ARMC8: variants seen among roughly 807,000 people sequenced by gnomAD.
ARMC8 encodes the protein armadillo repeat containing 8.
In ARMC8, 20 loss-of-function variants were observed where a neutral mutation model predicts 99.3. That is an observed-to-expected ratio of 0.20 (90% CI 0.14 to 0.29). The LOEUF (loss-of-function observed/expected upper bound fraction) is 0.29. ARMC8 is among the 10% of genes least tolerant of loss of function. ARMC8 has a pLI of 1.00. For synonymous variants in ARMC8, 263 were observed against 278.3 expected, an observed-to-expected ratio of 0.95 and a Z score of 0.55; for missense variants, 569 against 809.5, an observed-to-expected ratio of 0.70 and a Z score of 3.60.
At chr3:138,211,709 GT>G (rs2044704837) in intron 2 of ARMC8, among the ~76,000 whole-genome samples, 1 of 152,132 alleles carries the variant, frequency 6.6e-6, no homozygotes, top group African/African-American at 2.4e-5. Context: ...TTCTGTTATG[GT>G]CCCTTTCTAG....
chr3:138,256,173 C>G (rs1389203145), intron 12 of ARMC8, among the ~76,000 whole-genome samples: 12 of 152,124 alleles, frequency 7.9e-5, no homozygotes, highest in Admixed American at 7.9e-4. Flanking sequence ...AATGTTAGTT[C>G]CATTTGGTTA....
At chr3:138,232,271 T>C (rs1184096325) in intron 6 of ARMC8, among the ~76,000 whole-genome samples, 1 of 152,064 alleles carries the variant, frequency 6.6e-6, no homozygotes, top group East Asian at 1.9e-4. Context: ...CCACTGCGTC[T>C]AGCCCCTTAC....
chr3:138,274,232 C>CGTGTGT (rs111762534), intron 17 of ARMC8, among the ~76,000 whole-genome samples: 5 of 145,392 alleles, frequency 3.4e-5, no homozygotes, highest in African/African-American at 1.4e-4. Context: ...TGTGTATATA[C>CGTGTGT]ATGTGTGTGT....
chr3:138,208,612 G>A (rs1368606334), intron 1 of ARMC8, among the ~76,000 whole-genome samples: 2 of 152,230 alleles, frequency 1.3e-5, no homozygotes, highest in Non-Finnish European at 2.9e-5. Flanking sequence ...TACTGATTTG[G>A]AGTTCTGAGT....
chr3:138,288,937 C>A, intron 19 of ARMC8, 111 bp from the exon 20 acceptor site: 1 of 831,426 alleles, frequency 1.2e-6, no homozygotes, highest in Non-Finnish European at 1.9e-6. Context: ...TCACCTGGCC[C>A]TGCTTCAGAC....
intron 12 of ARMC8, chr3:138,262,617 A>G (rs1560008371): frequency 1.9e-6 from 3 of 1,558,148 alleles, no homozygotes; most frequent in South Asian, 1.2e-5. Context: ...AAAAAAATTT[A>G]GGTGCCTAGC....
chr3:138,274,654 G>A (rs1174835185), intron 18 of ARMC8, 110 bp downstream of exon 18: 1 of 752,056 alleles, frequency 1.3e-6, no homozygotes, highest in Non-Finnish European at 2.2e-6. Context: ...GCTGAGATGG[G>A]AGATGCTCTA....
chr3:138,296,539 T>C lies in ARMC8; in HGVS notation c.*647T>C, dbSNP rs891270999. On this transcript the variant is annotated 3_prime_UTR_variant, in exon 22 of 22. Transcript: ENST00000469044. ...CCTCAACTTACATAGATTTTCTTTA[T>C]ATAAAAAAAAAGAAAAAAAAAGAAA... The C allele has an allele frequency of 1.3e-4, 20 of 151,184 alleles. No homozygotes were observed. Among genetic ancestry groups the C allele is most frequent in the African/African-American group, 4.9e-4 (20 of 40,958 alleles). 9.4% of individuals were successfully genotyped at this position (151,184 alleles called of 1,614,324 possible).
At chr3:138,263,701 C>T in intron 12 of ARMC8, 38 bp from the exon 13 acceptor site, 1 of 1,526,446 alleles carries the variant, frequency 6.6e-7, no homozygotes, top group Non-Finnish European at 9.1e-7. Context: ...TTGTCACCTT[C>T]ATGTTGTTAT....
At chr3:138,219,448 C>T (rs1242733629) in intron 2 of ARMC8, among the ~76,000 whole-genome samples, 8 of 151,974 alleles carry the variant, frequency 5.3e-5, no homozygotes, top group African/African-American at 1.9e-4. Context: ...GACATTCAGA[C>T]CTGAAGGATG....
At chr3:138,268,354 A>G (rs1375760426) in intron 15 of ARMC8, among the ~76,000 whole-genome samples, 1 of 152,226 alleles carries the variant, frequency 6.6e-6, no homozygotes, top group Admixed American at 6.5e-5. Flanking sequence ...TGGAAGAGAA[A>G]GGCAAAACAG....
intron 1 of ARMC8, chr3:138,187,923 C>G (rs1216762610): frequency 7.5e-6 from 3 of 399,988 alleles, no homozygotes; most frequent in African/African-American, 6.2e-5. Flanking sequence ...CTGAGCCTTC[C>G]TTTTAGCGAT....
At chr3:138,293,903 A>T (rs949508281) in intron 21 of ARMC8, among the ~76,000 whole-genome samples, 1 of 152,162 alleles carries the variant, frequency 6.6e-6, no homozygotes, top group Non-Finnish European at 1.5e-5. Context: ...TTTTCACATA[A>T]GTTTTTAGCT....
At chr3:138,211,027 T>C (rs1333230675) in intron 2 of ARMC8, among the ~76,000 whole-genome samples, 1 of 152,198 alleles carries the variant, frequency 6.6e-6, no homozygotes. Context: ...TTGCCTTTGT[T>C]CCCTTAAGTA....
rs2045524183 is a variant in ARMC8, at chr3:138,223,637, A to T, written c.339A>T (p.Gly113=). Reference sequence around the variant, plus strand: ...CCTAAATCTCATTTCTGTTAATAGGACTACTGTCCCCAGACCTGAAGTTTA... The same window carrying T: ...CCTAAATCTCATTTCTGTTAATAGGTCTACTGTCCCCAGACCTGAAGTTTA... ...DCHIIPALLQ[G]LLSPDLKFIE... is the part of the protein sequence containing the mutation. Residue 113 remains glycine, a splice_region_variant and synonymous_variant, in exon 5 of 22, where the codon GGA becomes GGT. Coordinates refer to ENST00000469044, the MANE Select transcript of ARMC8 (RefSeq NM_001363941.2). The T allele has an allele frequency of 1.2e-6, 2 of 1,614,000 alleles. No individual in the cohort carries two copies. The highest frequency in any genetic ancestry group is 1.7e-6 in the Non-Finnish European group (2 of 1,179,968).
chr3:138,263,720 C>T lies in ARMC8; in HGVS notation c.1135-19C>T, dbSNP rs373912766. On this transcript the variant is annotated intron_variant, in intron 12 of 21. Coordinates refer to ENST00000469044, the MANE Select transcript of ARMC8 (RefSeq NM_001363941.2). Reference sequence around the variant, plus strand: ...CACCTTCATGTTGTTATTTATGCAGCATTAACCTTTTTCTCCAGATCATTG... The same window carrying T: ...CACCTTCATGTTGTTATTTATGCAGTATTAACCTTTTTCTCCAGATCATTG... 1.0e-4 allele frequency: 160 copies of T among 1,596,834 alleles called. No individual in the cohort carries two copies. Among genetic ancestry groups the T allele is most frequent in the Non-Finnish European group, 1.2e-4 (145 of 1,164,324 alleles).
chr3:138,222,631 T>C (rs981156050), intron 3 of ARMC8, among the ~76,000 whole-genome samples: 2 of 152,212 alleles, frequency 1.3e-5, no homozygotes, highest in Non-Finnish European at 2.9e-5. Context: ...TTTTTCTCCT[T>C]ATTTTCTGGT....
Position 138,277,206 on chromosome 3 carries a change from G to A in ARMC8, c.1725+2662G>A, listed in dbSNP as rs148997992. Among the ~76,000 whole-genome samples the A allele has an allele frequency of 3.9e-3, 594 of 152,216 alleles. 4 individuals carry two copies. The highest frequency in any genetic ancestry group is 0.014 in the African/African-American group (566 of 41,520). On this transcript the variant is annotated intron_variant, in intron 18 of 21. Coordinates refer to ENST00000469044, the MANE Select transcript of ARMC8 (RefSeq NM_001363941.2). ...AATGGTCTTTTCAAGAAAAGATGCTGTACAAGTGCCAAAAAAAATTAACTT... is the reference window on the plus strand; with the variant it reads ...AATGGTCTTTTCAAGAAAAGATGCTATACAAGTGCCAAAAAAAATTAACTT...
rs528976552 is a variant in ARMC8, at chr3:138,226,067, A to G, written c.435+2334A>G. 9.2e-5 allele frequency among the ~76,000 whole-genome samples: 14 copies of G among 152,136 alleles called. No individual in the cohort carries two copies. In the East Asian group the frequency reaches 2.5e-3, roughly 27 times the overall value. The stretch of plus-strand genomic sequence containing the variant: ...GAGTGCAGTGGCTTGATCTCGACTC[A>G]CTGCAACCTCCACCTCCCAGGTTTA... On this transcript the variant is annotated intron_variant, in intron 5 of 21. Transcript: ENST00000469044.
Sources: gnomAD v4.1 joint callset for allele counts (sites outside exome capture counted in the v4.1 genomes callset) on GRCh38, gnomAD v4.1.1 for gene constraint, MANE v1.5 for transcripts, NCBI Gene and HGNC (gene_info 2026-07-23, HGNC 2026-07-21) for gene names.